Variants in TMTC4 observed in about 807,000 individuals in gnomAD.
TMTC4 encodes the protein protein O-mannosyl-transferase TMTC4.
TMTC4 carries 65 observed loss-of-function variants against 86.0 expected under a neutral mutation model. That is an observed-to-expected ratio of 0.76 (90% CI 0.62 to 0.93). The LOEUF is 0.93. TMTC4 is among the 40% of genes least tolerant of loss of function. TMTC4 has a pLI of 0.00. For synonymous variants in TMTC4, 379 were observed against 382.5 expected (o/e 0.99, Z 0.11); for missense variants, 866 against 948.1 (o/e 0.91, Z 1.14).
intron 6 of TMTC4, among the ~76,000 whole-genome samples, chr13:100,650,047 T>C (rs57247102): frequency 1.3e-5 from 2 of 151,968 alleles, no homozygotes; most frequent in African/African-American, 4.8e-5. Context: ...TCAAGACTGT[T>C]ACATTTTAAA....
intron 10 of TMTC4, 134 bp from the exon 11 acceptor site, chr13:100,635,329 C>T: frequency 9.9e-7 from 1 of 1,010,558 alleles, no homozygotes; most frequent in Non-Finnish European, 1.4e-6. Flanking sequence ...TTGTTGTCAG[C>T]CAAAGGATAT....
At chr13:100,674,382 C>T (rs1195731354) in intron 1 of TMTC4, 1 of 966,742 alleles carries the variant, frequency 1.0e-6, no homozygotes, top group African/African-American at 1.8e-5. Flanking sequence ...GGACGCGCCG[C>T]AGGCGCCGGG....
intron 15 of TMTC4, among the ~76,000 whole-genome samples, chr13:100,620,724 T>G (rs1461295084): frequency 6.6e-6 from 1 of 152,192 alleles, no homozygotes; most frequent in African/African-American, 2.4e-5. Flanking sequence ...ATTGCGCTCT[T>G]CCTGACTTCC....
At position 100,630,063 on chromosome 13, in the gene TMTC4, GTGTA is replaced by G. The variant is rs991375573; in HGVS notation, c.1507-3917_1507-3914del. 1.8e-3 allele frequency among the ~76,000 whole-genome samples: 260 copies of G among 144,134 alleles called. 1 individual carries two copies. The highest frequency in any genetic ancestry group is 5.9e-3 in the African/African-American group (217 of 36,500). 94.6% of individuals were successfully genotyped at this position (144,134 alleles called of 152,430 possible). ...TGTGTGTGTGTGTGTGTGTGTGTGT[GTGTA>G]TGTGTGTGTGTGTGTTTATAGCAGC... On this transcript the variant is annotated intron_variant, in intron 12 of 18. Transcript: ENST00000342624.
chr13:100,626,035 T>C (rs750420374), intron 13 of TMTC4, 36 bp downstream of exon 13: 2 of 1,611,074 alleles, frequency 1.2e-6, no homozygotes, highest in South Asian at 1.1e-5. Context: ...AAACGATCTG[T>C]GTACATAATT....
intron 15 of TMTC4, among the ~76,000 whole-genome samples, chr13:100,618,539 G>C (rs913558720): frequency 2.0e-5 from 3 of 150,788 alleles, no homozygotes; most frequent in Non-Finnish European, 3.0e-5. Flanking sequence ...TCTCGCAGAG[G>C]GGGATTTGGC....
intron 16 of TMTC4, 58 bp downstream of exon 16, chr13:100,614,258 C>A (rs537640772): frequency 7.9e-7 from 1 of 1,268,010 alleles, no homozygotes; most frequent in Non-Finnish European, 1.1e-6. Flanking sequence ...CCTAAGTCTT[C>A]GGTGGCATTT....
In TMTC4 at chr13:100,662,946, C is replaced by T. The variant is rs778462809; in HGVS notation, c.552+18G>A. On this transcript the variant is annotated intron_variant, in intron 5 of 18. Coordinates refer to ENST00000342624, the MANE Select transcript of TMTC4 (RefSeq NM_032813.5). ...GCTTCTCACGTGCATACAGATGCCT[C>T]GGGCAGACGACACTTACACACTCGG... 48 of 1,612,472 alleles carry T rather than the reference C, an allele frequency of 3.0e-5. No homozygotes were observed. In the South Asian group the frequency reaches 4.0e-4, roughly 13 times the overall value.
At chr13:100,673,852 A>G (rs1887459492) in intron 1 of TMTC4, among the ~76,000 whole-genome samples, 1 of 152,132 alleles carries the variant, frequency 6.6e-6, no homozygotes, top group Non-Finnish European at 1.5e-5. Flanking sequence ...ACAGGACTGC[A>G]GAGAAAAGGG....
rs377362231 is a variant in TMTC4, at chr13:100,626,123, C to G, written c.1534G>C (p.Ala512Pro). 3.7e-6 allele frequency: 6 copies of G among 1,614,200 alleles called. No individual in the cohort carries two copies. The highest frequency in any genetic ancestry group is 5.1e-6 in the Non-Finnish European group (6 of 1,180,032). Residue 512 changes from alanine (A) to proline (P), a missense_variant, in exon 13 of 19, where the codon GCT becomes CCT. By Grantham distance (27) the Ala-to-Pro change is conservative. Coordinates refer to ENST00000342624, the MANE Select transcript of TMTC4 (RefSeq NM_032813.5). ...KVHYNIGKNL[A>P]DKGNQTAAIR... is the part of the protein sequence containing the mutation. ...GCAGCTGTCTGGTTGCCTTTATCAGCCAGGTTTTTGCCAATGTTGTAGTGA... is the reference window on the plus strand; with the variant it reads ...GCAGCTGTCTGGTTGCCTTTATCAGGCAGGTTTTTGCCAATGTTGTAGTGA...
At chr13:100,664,419 C>G (rs1886164128) in intron 3 of TMTC4, 83 bp from the exon 4 acceptor site, 22 of 940,494 alleles carry the variant, frequency 2.3e-5, no homozygotes, top group Non-Finnish European at 3.5e-5. Flanking sequence ...ACCTGGGATG[C>G]AGTCAGGCCT....
At chr13:100,640,773 C>T (rs1311638170) in intron 7 of TMTC4, among the ~76,000 whole-genome samples, 1 of 150,926 alleles carries the variant, frequency 6.6e-6, no homozygotes, top group South Asian at 2.1e-4. Flanking sequence ...CGCCACTGCC[C>T]TCCCTCCAGC....
At position 100,635,193 on chromosome 13, in the gene TMTC4, A is replaced by T; in HGVS notation, c.1205T>A (p.Ile402Asn). Reference protein sequence around the residue: ...LCSEDGHKRRILTLGLGFLVI... With the variant: ...LCSEDGHKRRNLTLGLGFLVI... ...GAGAAATCCCAGGCCCAGAGTAAGG[A>T]TCCTGGATGATGAAAAGTATTTAAA... The change falls in exon 11 of 19, where the codon ATC becomes AAC. Residue 402 changes from isoleucine to asparagine, a missense_variant and splice_region_variant. By Grantham distance (149) the Ile-to-Asn change is moderately radical. Transcript: ENST00000342624. The T allele has an allele frequency of 6.3e-7, 1 of 1,580,988 alleles. No homozygotes were observed. The highest frequency in any genetic ancestry group is 1.4e-5 in the African/African-American group (1 of 73,554).
At chr13:100,621,007 G>A (rs1879385453) in intron 15 of TMTC4, among the ~76,000 whole-genome samples, 1 of 152,184 alleles carries the variant, frequency 6.6e-6, no homozygotes, top group Admixed American at 6.5e-5. Flanking sequence ...TAAATAAGCA[G>A]GAACAGTTGG....
At chr13:100,635,854 T>A (rs904261653) in intron 10 of TMTC4, 2 of 152,726 alleles carry the variant, frequency 1.3e-5, no homozygotes, top group African/African-American at 4.8e-5. Flanking sequence ...GGCTACAGTA[T>A]TTCTATAAAA....
Position 100,637,584 on chromosome 13 carries a change from G to A in TMTC4, c.953C>T (p.Thr318Ile). 1 of 1,614,170 alleles carries A rather than the reference G, an allele frequency of 6.2e-7. No individual in the cohort carries two copies. The highest frequency in any genetic ancestry group is 1.7e-5 in the Admixed American group (1 of 60,030). ...AAAGGAGGCCGGGTTGTCCACCTCGGTGAAGGCCGGCGGGCCCGTGCCCAT... is the reference window on the plus strand; with the variant it reads ...AAAGGAGGCCGGGTTGTCCACCTCGATGAAGGCCGGCGGGCCCGTGCCCAT... The part of the protein sequence containing the change: ...RIMGTGPPAF[T>I]EVDNPASFAD... Residue 318 changes from threonine to isoleucine, a missense_variant, in exon 9 of 19, where the codon ACC becomes ATC. By Grantham distance (89) the Thr-to-Ile change is moderately conservative. Transcript: ENST00000342624.
intron 1 of TMTC4, among the ~76,000 whole-genome samples, chr13:100,671,976 T>C (rs1887165075): frequency 6.6e-6 from 1 of 151,822 alleles, no homozygotes; most frequent in South Asian, 2.1e-4. Flanking sequence ...CGGACAAACC[T>C]GGACTTGCCG....
chr13:100,607,547 T>A (rs1876849141), intron 17 of TMTC4, among the ~76,000 whole-genome samples: 1 of 149,582 alleles, frequency 6.7e-6, no homozygotes, highest in South Asian at 2.1e-4. Context: ...TATCACACAT[T>A]GAGCTTAACC....
intron 15 of TMTC4, among the ~76,000 whole-genome samples, chr13:100,614,740 G>A (rs1260652851): frequency 6.6e-6 from 1 of 152,174 alleles, no homozygotes; most frequent in Admixed American, 6.5e-5. Flanking sequence ...GTCCGAACCT[G>A]TAATGTCCTA....
Sources: gnomAD v4.1 joint callset for allele counts (sites outside exome capture counted in the v4.1 genomes callset) on GRCh38, gnomAD v4.1.1 for gene constraint, MANE v1.5 for transcripts, NCBI Gene and HGNC (gene_info 2026-07-23, HGNC 2026-07-21) for gene names.